SGCD: variants seen among roughly 807,000 people sequenced by gnomAD.
SGCD encodes delta-sarcoglycan.
In SGCD, 18 loss-of-function variants were observed where a neutral mutation model predicts 36.6. The observed-to-expected ratio is 0.49, with a 90% CI of 0.34 to 0.73. The LOEUF is 0.73. SGCD is among the 30% of genes least tolerant of loss of function. The pLI, the probability that SGCD is intolerant of heterozygous loss-of-function variation, is 0.01. For missense variants in SGCD, 387 were observed against 346.7 expected (o/e 1.12, Z -0.92); for synonymous variants, 133 against 130.6 (o/e 1.02, Z -0.12).
chr5:155,729,095 T>TG, the SGCD span, among the ~76,000 whole-genome samples: 1 of 152,262 alleles, frequency 6.6e-6, no homozygotes, highest in Non-Finnish European at 1.5e-5. Flanking sequence ...AATCTGGCAT[T>TG]GGCAGAGGAA....
At chr5:156,336,710 T>TA (rs1768374167) in intron 2 of SGCD, among the ~76,000 whole-genome samples, 1 of 152,206 alleles carries the variant, frequency 6.6e-6, no homozygotes, top group African/African-American at 2.4e-5. Flanking sequence ...TCTGTAAGGA[T>TA]AAAAAATAAG....
the SGCD span, among the ~76,000 whole-genome samples, chr5:155,805,743 C>T: frequency 4.7e-4 from 71 of 152,216 alleles, no homozygotes; most frequent in Admixed American, 1.0e-3. Flanking sequence ...GGAGAGGAGG[C>T]GGGTGAGTGT....
At chr5:155,898,483 A>G (rs1224499137) in intron 1 of SGCD, among the ~76,000 whole-genome samples, 2 of 152,216 alleles carry the variant, frequency 1.3e-5, no homozygotes, top group African/African-American at 4.8e-5. Context: ...CAATATGAAT[A>G]AATGTCATGA....
Position 156,141,721 on chromosome 5 carries a change from G to A in SGCD, c.-44+17702G>A, listed in dbSNP as rs1244846338. On this transcript the variant is annotated intron_variant, in intron 3 of 9. Transcript: ENST00000517913. ...AAGTGTTTGAATTTACATATCCAGA[G>A]CATAGTGAAGTAAATGGGAAGGAAC... Among the ~76,000 whole-genome samples, 5 of 152,228 alleles carry A rather than the reference G, an allele frequency of 3.3e-5. No individual in the cohort carries two copies. The South Asian group carries it at 6.2e-4, about 19-fold the overall frequency.
chr5:156,283,689 T>G lies in SGCD; in HGVS notation c.-43-45845T>G, dbSNP rs117759905. ...AATTTGAGTATGTACCAAAATCACC[T>G]GCAAGACTTGCTAAAACAAATTTCC... is the stretch of plus-strand genomic sequence containing the variant. On this transcript the variant is annotated intron_variant, in intron 3 of 9. Coordinates refer to the SGCD transcript ENST00000517913. Among the ~76,000 whole-genome samples the G allele has an allele frequency of 2.1e-3, 316 of 152,310 alleles. 4 individuals are homozygous for G. The East Asian group carries it at 0.05, about 24-fold the overall frequency.
intron 1 of SGCD, among the ~76,000 whole-genome samples, chr5:155,907,285 T>C (rs1159324198): frequency 6.6e-6 from 1 of 152,134 alleles, no homozygotes; most frequent in African/African-American, 2.4e-5. Context: ...AGATCCCTGA[T>C]GGGGATGTAC....
chr5:156,579,133 A>G (rs1457801566), intron 4 of SGCD, among the ~76,000 whole-genome samples: 1 of 152,182 alleles, frequency 6.6e-6, no homozygotes, highest in Non-Finnish European at 1.5e-5. Context: ...ATTGGTTTCA[A>G]AGAACATCCT....
chr5:156,760,779 G>A lies in SGCD; in HGVS notation c.*1389G>A, dbSNP rs773372868. ...GATTACACCATCTCTGTTCAAAGAG[G>A]GGGAAATGTGCCTATGCCTTAAGTC... is the stretch of plus-strand genomic sequence containing the variant. On this transcript the variant is annotated 3_prime_UTR_variant, in exon 9 of 9. Transcript: ENST00000337851. 3.3e-5 allele frequency: 5 copies of A among 152,632 alleles called. No individual in the cohort carries two copies. The highest frequency in any genetic ancestry group is 1.9e-4 in the East Asian group (1 of 5,184). 9.5% of individuals were successfully genotyped at this position (152,632 alleles called of 1,614,324 possible).
chr5:156,717,095 T>G (rs1420694864), intron 7 of SGCD, among the ~76,000 whole-genome samples: 1 of 152,216 alleles, frequency 6.6e-6, no homozygotes, highest in Non-Finnish European at 1.5e-5. Flanking sequence ...CTAAAGCATT[T>G]ACCTGGGCAC....
the SGCD span, among the ~76,000 whole-genome samples, chr5:155,844,692 C>G: frequency 6.6e-6 from 1 of 152,106 alleles, no homozygotes; most frequent in Non-Finnish European, 1.5e-5. Context: ...ATTATAAATG[C>G]TGGCCATAGA....
intron 7 of SGCD, among the ~76,000 whole-genome samples, chr5:156,665,254 G>C (rs1321839010): frequency 3.9e-5 from 6 of 151,992 alleles, no homozygotes; most frequent in Non-Finnish European, 8.8e-5. Context: ...TTTAGACTCT[G>C]ATGGCCCCAT....
intron 1 of SGCD, among the ~76,000 whole-genome samples, chr5:155,941,105 G>A (rs1757316129): frequency 6.6e-6 from 1 of 152,008 alleles, no homozygotes; most frequent in African/African-American, 2.4e-5. Context: ...AAGGCAGAAG[G>A]GCAAAAGAGT....
At chr5:156,508,134 G>T (rs1319877105) in intron 3 of SGCD, among the ~76,000 whole-genome samples, 1 of 152,072 alleles carries the variant, frequency 6.6e-6, no homozygotes, top group African/African-American at 2.4e-5. Flanking sequence ...AAAAATATTA[G>T]CAACTAACTT....
chr5:156,297,077 A>G (rs928273491), intron 3 of SGCD, among the ~76,000 whole-genome samples: 4 of 151,944 alleles, frequency 2.6e-5, no homozygotes, highest in Non-Finnish European at 4.4e-5. Context: ...ATACAGACAT[A>G]CAATGCATAA....
chr5:156,413,086 C>T (rs1488103073), intron 3 of SGCD, among the ~76,000 whole-genome samples: 5 of 151,980 alleles, frequency 3.3e-5, no homozygotes, highest in African/African-American at 1.2e-4. Flanking sequence ...CGTGAGCCAC[C>T]GCGCCCGGCC....
intron 1 of SGCD, among the ~76,000 whole-genome samples, chr5:156,070,827 C>T (rs1448937129): frequency 2.0e-5 from 3 of 152,148 alleles, no homozygotes; most frequent in African/African-American, 7.2e-5. Flanking sequence ...TTGGTCTATT[C>T]AGAGATTCAA....
chr5:156,524,798 AC>A (rs1317742215), intron 4 of SGCD, among the ~76,000 whole-genome samples: 2 of 151,980 alleles, frequency 1.3e-5, no homozygotes, highest in Admixed American at 1.3e-4. Flanking sequence ...TCTGAGTTTG[AC>A]TTTTTAAAAT....
chr5:156,575,402 C>G (rs780807391), intron 4 of SGCD, among the ~76,000 whole-genome samples: 14 of 152,184 alleles, frequency 9.2e-5, no homozygotes, highest in Non-Finnish European at 2.1e-4. Flanking sequence ...CTTAAACTTA[C>G]AGCTTAGACT....
At chr5:156,459,356 T>A (rs1200984327) in intron 3 of SGCD, among the ~76,000 whole-genome samples, 2 of 152,204 alleles carry the variant, frequency 1.3e-5, no homozygotes, top group Non-Finnish European at 2.9e-5. Context: ...CATTAAATCC[T>A]TAAAACAGGA....
Sources: gnomAD v4.1 joint callset for allele counts (sites outside exome capture counted in the v4.1 genomes callset) on GRCh38, gnomAD v4.1.1 for gene constraint, MANE v1.5 for transcripts, NCBI Gene and HGNC (gene_info 2026-07-23, HGNC 2026-07-21) for gene names.